Variants in RABGAP1L observed in about 807,000 individuals in gnomAD.
The protein encoded by RABGAP1L is RAB GTPase activating protein 1 like.
Under a neutral mutation model 137.7 loss-of-function variants are expected in RABGAP1L, and 63 were observed. The observed-to-expected ratio is 0.46, with a 90% CI of 0.37 to 0.56. RABGAP1L has a LOEUF of 0.56. Among genes scored for constraint, RABGAP1L ranks in the 20% least tolerant of loss-of-function variants. RABGAP1L has a pLI of 0.00. For missense variants in RABGAP1L, 1,095 were observed against 1,244.0 expected, an observed-to-expected ratio of 0.88 and a Z score of 1.80; for synonymous variants, 431 against 433.7, an observed-to-expected ratio of 0.99 and a Z score of 0.08.
intron 17 of RABGAP1L, among the ~76,000 whole-genome samples, chr1:174,720,773 C>T (rs536100310): frequency 2.6e-5 from 4 of 152,164 alleles, no homozygotes; most frequent in Admixed American, 6.5e-5. Flanking sequence ...GAGGGATTGA[C>T]GAGTGAGTGC....
intron 13 of RABGAP1L, among the ~76,000 whole-genome samples, chr1:174,614,694 C>T (rs1366982225): frequency 6.6e-6 from 1 of 152,210 alleles, no homozygotes; most frequent in African/African-American, 2.4e-5. Context: ...GTTCCATTCT[C>T]CCCGTCACTT....
At chr1:174,184,194 C>G (rs1666618832) in intron 1 of RABGAP1L, among the ~76,000 whole-genome samples, 1 of 152,176 alleles carries the variant, frequency 6.6e-6, no homozygotes, top group African/African-American at 2.4e-5. Flanking sequence ...TAGTAAAATG[C>G]ATTTACTGTT....
In RABGAP1L at chr1:174,434,108, T is replaced by TACACACACACACACACACACAC. The variant is rs35509787; in HGVS notation, c.1710+39986_1710+40007dup. On this transcript the variant is annotated intron_variant, in intron 13 of 25. Coordinates refer to ENST00000681986, the MANE Select transcript of RABGAP1L (RefSeq NM_001366446.1). ...GCACATGAGCGCATGCGTGTACACATACACACACACACACACACACACACA... is the reference window on the plus strand; with the variant it reads ...GCACATGAGCGCATGCGTGTACACATACACACACACACACACACACACACACACACACACACACACACACACA... 2.0e-3 allele frequency among the ~76,000 whole-genome samples: 270 copies of TACACACACACACACACACACAC among 134,120 alleles called. 1 individual carries two copies. The highest frequency in any genetic ancestry group is 5.9e-3 in the African/African-American group (220 of 37,394). The allele number at this position is 134,120 out of a possible 152,430, so 88.0% of individuals were successfully genotyped here. A position where few individuals can be genotyped will look rare whatever the true frequency, so the allele number is the denominator to read the frequency against.
chr1:174,352,940 C>T (rs1278732535), intron 11 of RABGAP1L, among the ~76,000 whole-genome samples: 1 of 152,182 alleles, frequency 6.6e-6, no homozygotes, highest in Non-Finnish European at 1.5e-5. Flanking sequence ...GAGATTCTCT[C>T]TCTGTGTGCT....
In RABGAP1L at chr1:174,497,514, T is replaced by G. The variant is rs928329762; in HGVS notation, c.1710+103369T>G. ...TGTTTGTGTAAATTCTGTCTTCCCATGTTCCTTCTCCCCCACTCCCTTGTC... is the reference window on the plus strand; with the variant it reads ...TGTTTGTGTAAATTCTGTCTTCCCAGGTTCCTTCTCCCCCACTCCCTTGTC... On this transcript the variant is annotated intron_variant, in intron 13 of 25. Transcript: ENST00000681986. Among the ~76,000 whole-genome samples, 28 of 152,344 alleles carry G rather than the reference T, an allele frequency of 1.8e-4. No homozygotes were observed. In the East Asian group the frequency reaches 5.4e-3, roughly 29 times the overall value.
chr1:174,351,456 T>C (rs1270372317), intron 11 of RABGAP1L, among the ~76,000 whole-genome samples: 1 of 150,958 alleles, frequency 6.6e-6, no homozygotes, highest in Non-Finnish European at 1.5e-5. Flanking sequence ...TATCCTAAGA[T>C]TTTTTTTTTC....
intron 1 of RABGAP1L, among the ~76,000 whole-genome samples, chr1:174,218,643 G>A (rs1283295582): frequency 2.0e-5 from 3 of 152,208 alleles, no homozygotes; most frequent in African/African-American, 7.2e-5. Context: ...TAGTTACTCA[G>A]AAAAAATATT....
chr1:174,896,719 T>G (rs1170045920), intron 19 of RABGAP1L, among the ~76,000 whole-genome samples: 1 of 152,318 alleles, frequency 6.6e-6, no homozygotes, highest in Non-Finnish European at 1.5e-5. Flanking sequence ...TTTCTTGTTT[T>G]TGTCAGGTTT....
intron 11 of RABGAP1L, chr1:174,367,513 G>A: frequency 5.1e-6 from 1 of 194,768 alleles, no homozygotes; most frequent in Non-Finnish European, 1.1e-5. Flanking sequence ...CTTTCTGATG[G>A]CTTAATTTAT....
chr1:174,664,453 A>G (rs922722808), intron 14 of RABGAP1L, among the ~76,000 whole-genome samples: 2 of 152,186 alleles, frequency 1.3e-5, no homozygotes, highest in African/African-American at 4.8e-5. Flanking sequence ...AACACAAACC[A>G]TTGAATGGAT....
chr1:174,988,537 C>T lies in RABGAP1L; in HGVS notation c.2806-104C>T, dbSNP rs113271361. On this transcript the variant is annotated intron_variant, in intron 24 of 25. Transcript: ENST00000681986. ...TAATTAACCTTCAGAAATGGGCCTGCATCTATGACAATAAGCAGCATCTAA... is the reference window on the plus strand; with the variant it reads ...TAATTAACCTTCAGAAATGGGCCTGTATCTATGACAATAAGCAGCATCTAA... 220 of 1,008,728 alleles carry T rather than the reference C, an allele frequency of 2.2e-4. No individual in the cohort carries two copies. In the African/African-American group the frequency reaches 3.1e-3, roughly 14 times the overall value. The allele number at this position is 1,008,728 out of a possible 1,614,324, so 62.5% of individuals were successfully genotyped here.
chr1:174,672,306 A>T (rs1439118515), intron 14 of RABGAP1L, among the ~76,000 whole-genome samples: 1 of 114,004 alleles, frequency 8.8e-6, no homozygotes, highest in Non-Finnish European at 1.7e-5. Context: ...TTTGATATGG[A>T]GTCTCCCTTT....
At chr1:174,615,786 G>T (rs896107028) in intron 13 of RABGAP1L, among the ~76,000 whole-genome samples, 8 of 152,162 alleles carry the variant, frequency 5.3e-5, no homozygotes, top group African/African-American at 1.7e-4. Context: ...GCAATGGTGG[G>T]CGCCCCTCCC....
chr1:174,982,815 ACT>A lies in RABGAP1L; in HGVS notation c.2734-16_2734-15del. The A allele has an allele frequency of 6.5e-7, 1 of 1,549,618 alleles. No individual in the cohort carries two copies. Among genetic ancestry groups the A allele is most frequent in the Non-Finnish European group, 8.7e-7 (1 of 1,146,350 alleles). On this transcript the variant is annotated splice_polypyrimidine_tract_variant and intron_variant, in intron 23 of 25. Transcript: ENST00000681986. ...GAGTTGTTCTGTTTTCTAGTAAAAG[ACT>A]CTTTTCTCATCCTTAGATCTGTTCG...
intron 13 of RABGAP1L, among the ~76,000 whole-genome samples, chr1:174,413,713 G>A (rs938389960): frequency 6.6e-6 from 1 of 152,046 alleles, no homozygotes; most frequent in African/African-American, 2.4e-5. Context: ...TTCTGGTTAG[G>A]GTCTTTTGGC....
intron 1 of RABGAP1L, among the ~76,000 whole-genome samples, chr1:174,202,565 G>T (rs1668202343): frequency 1.3e-5 from 2 of 152,208 alleles, no homozygotes; most frequent in Non-Finnish European, 1.5e-5. Context: ...TTTGTCAGAT[G>T]AGTAGGTTGC....
chr1:174,654,480 A>G (rs903055378), intron 14 of RABGAP1L, among the ~76,000 whole-genome samples: 3 of 152,190 alleles, frequency 2.0e-5, no homozygotes, highest in Admixed American at 6.5e-5. Context: ...GGGCAAGGCT[A>G]TAGCTTTTCT....
At chr1:174,537,551 C>T (rs1254829785) in intron 13 of RABGAP1L, among the ~76,000 whole-genome samples, 1 of 152,136 alleles carries the variant, frequency 6.6e-6, no homozygotes, top group East Asian at 1.9e-4. Context: ...AGAAGAGGTG[C>T]TTAATAAATG....
chr1:174,316,102 C>G (rs1472966682), intron 11 of RABGAP1L, among the ~76,000 whole-genome samples: 1 of 152,178 alleles, frequency 6.6e-6, no homozygotes, highest in Non-Finnish European at 1.5e-5. Flanking sequence ...TTATTTCAAT[C>G]TCTGTTATAT....
Sources: gnomAD v4.1 joint callset for allele counts (sites outside exome capture counted in the v4.1 genomes callset) on GRCh38, gnomAD v4.1.1 for gene constraint, MANE v1.5 for transcripts, NCBI Gene and HGNC (gene_info 2026-07-23, HGNC 2026-07-21) for gene names.